The following GPC6 variants were observed in gnomAD, a reference collection of about 807,000 sequenced individuals.
GPC6 encodes glypican-6.
Under a neutral mutation model 55.2 loss-of-function variants are expected in GPC6, and 14 were observed. The observed-to-expected ratio is 0.25, with a 90% CI of 0.17 to 0.40. The LOEUF (loss-of-function observed/expected upper bound fraction) is 0.40. GPC6 is among the 10% of genes least tolerant of loss of function. GPC6 has a pLI of 1.00. For synonymous variants in GPC6, 278 were observed against 259.6 expected, an observed-to-expected ratio of 1.07 and a Z score of -0.68; for missense variants, 641 against 708.5, an observed-to-expected ratio of 0.90 and a Z score of 1.08.
intron 1 of GPC6, among the ~76,000 whole-genome samples, chr13:93,418,457 T>C (rs1283195094): frequency 1.1e-4 from 16 of 145,648 alleles, no homozygotes; most frequent in African/African-American, 4.2e-4. Context: ...AGCACTATAC[T>C]GTAGTATTAC....
At chr13:93,465,715 C>T (rs975574437) in intron 1 of GPC6, among the ~76,000 whole-genome samples, 2 of 152,164 alleles carry the variant, frequency 1.3e-5, no homozygotes, top group African/African-American at 4.8e-5. Flanking sequence ...TGGAGTAACA[C>T]TTTTAATTTT....
At chr13:93,289,629 C>G (rs1328117414) in intron 1 of GPC6, among the ~76,000 whole-genome samples, 1 of 151,820 alleles carries the variant, frequency 6.6e-6, no homozygotes, top group Non-Finnish European at 1.5e-5. Context: ...AAAAATTTAC[C>G]CTATGTTGAT....
intron 4 of GPC6, among the ~76,000 whole-genome samples, chr13:94,112,559 C>T (rs1886287228): frequency 6.6e-6 from 1 of 152,140 alleles, no homozygotes; most frequent in Non-Finnish European, 1.5e-5. Flanking sequence ...ATCTTAATAC[C>T]TAAAGGACAG....
At chr13:93,802,024 A>G (rs910581550) in intron 2 of GPC6, among the ~76,000 whole-genome samples, 4 of 152,134 alleles carry the variant, frequency 2.6e-5, no homozygotes, top group Admixed American at 6.6e-5. Flanking sequence ...AGTATACTAA[A>G]TTTCCCCCTT....
rs143560862 is a variant in GPC6, at chr13:93,565,792, C to T, written c.319+20371C>T. ...CAAAAATTAGCTGGGCTTAGTGGCA[C>T]GTGCCTGTAATCCCAGCTACTTGGG... On this transcript the variant is annotated intron_variant, in intron 2 of 8. Transcript: ENST00000377047. 1.9e-3 allele frequency among the ~76,000 whole-genome samples: 293 copies of T among 151,984 alleles called. 1 individual carries two copies. Among genetic ancestry groups the T allele is most frequent in the Admixed American group, 4.9e-3 (75 of 15,256 alleles).
intron 2 of GPC6, among the ~76,000 whole-genome samples, chr13:93,733,678 T>G (rs1030746022): frequency 6.6e-6 from 1 of 152,084 alleles, no homozygotes; most frequent in South Asian, 2.1e-4. Flanking sequence ...ATGGTACCAT[T>G]AAGTTCAGTT....
chr13:93,298,841 T>C (rs1410747590), intron 1 of GPC6, among the ~76,000 whole-genome samples: 1 of 151,682 alleles, frequency 6.6e-6, no homozygotes, highest in Non-Finnish European at 1.5e-5. Flanking sequence ...TCAAGCTTTC[T>C]CTGATCAAAG....
intron 2 of GPC6, among the ~76,000 whole-genome samples, chr13:93,680,189 G>T (rs984723751): frequency 6.6e-6 from 1 of 152,052 alleles, no homozygotes; most frequent in Non-Finnish European, 1.5e-5. Flanking sequence ...CAATATGACT[G>T]GTGTCCTTAT....
At position 93,955,404 on chromosome 13, in the gene GPC6, C is replaced by T. The variant is rs963387548; in HGVS notation, c.712-72325C>T. ...CAGAGAGCACCAGCTTCAAAGAAAA[C>T]AGAGTTCAATATTCATTATTATGCA... On this transcript the variant is annotated intron_variant, in intron 3 of 8. Coordinates refer to ENST00000377047, the MANE Select transcript of GPC6 (RefSeq NM_005708.5). 5.3e-5 allele frequency among the ~76,000 whole-genome samples: 8 copies of T among 152,076 alleles called. No homozygotes were observed. In the East Asian group the frequency reaches 1.2e-3, roughly 22 times the overall value.
intron 4 of GPC6, among the ~76,000 whole-genome samples, chr13:94,045,111 C>G (rs1053453467): frequency 6.6e-6 from 1 of 151,700 alleles, no homozygotes; most frequent in Non-Finnish European, 1.5e-5. Context: ...CCTAAAGTTT[C>G]ATGATGTATC....
chr13:93,278,091 C>T (rs1176156631), intron 1 of GPC6, among the ~76,000 whole-genome samples: 2 of 152,090 alleles, frequency 1.3e-5, no homozygotes, highest in African/African-American at 4.8e-5. Context: ...ATTTGCGTTA[C>T]TGGCTTTACA....
intron 2 of GPC6, among the ~76,000 whole-genome samples, chr13:93,708,652 A>T (rs2138805220): frequency 6.6e-6 from 1 of 151,810 alleles, no homozygotes; most frequent in African/African-American, 2.4e-5. Flanking sequence ...TGTCATAAGG[A>T]TTTTTGGCAG....
chr13:94,155,550 C>G (rs1328823), intron 4 of GPC6, among the ~76,000 whole-genome samples: 42,586 of 151,910 alleles, frequency 0.28, 6,489 homozygotes, highest in African/African-American at 0.4. Context: ...ATCCCCAAGC[C>G]CAAAACATTT....
In GPC6 at chr13:94,025,215, T is replaced by A. The variant is rs1882849064; in HGVS notation, c.712-2514T>A. The stretch of plus-strand genomic sequence containing the variant: ...TTAGTTAGCCCAAGTGAAAATTGGG[T>A]AGTCTTTGGAGAAAAGCATCAGTCA... On this transcript the variant is annotated intron_variant, in intron 3 of 8. Coordinates refer to ENST00000377047, the MANE Select transcript of GPC6 (RefSeq NM_005708.5). Among the ~76,000 whole-genome samples, 2 of 152,062 alleles carry A rather than the reference T, an allele frequency of 1.3e-5. 1 individual carries two copies. The highest frequency in any genetic ancestry group is 4.1e-4 in the South Asian group (2 of 4,824).
At chr13:93,735,254 G>A (rs1447446126) in intron 2 of GPC6, among the ~76,000 whole-genome samples, 1 of 152,206 alleles carries the variant, frequency 6.6e-6, no homozygotes. Flanking sequence ...AGATGTCGAG[G>A]TTGGGTGTGG....
chr13:93,941,420 C>T (rs1313933599), intron 3 of GPC6, among the ~76,000 whole-genome samples: 1 of 152,070 alleles, frequency 6.6e-6, no homozygotes, highest in East Asian at 1.9e-4. Context: ...TCCACTAGCC[C>T]ACCATATAAA....
intron 4 of GPC6, among the ~76,000 whole-genome samples, chr13:94,169,917 A>T (rs911570190): frequency 5.9e-5 from 9 of 152,104 alleles, no homozygotes; most frequent in African/African-American, 9.7e-5. Context: ...TTTGCTTTAG[A>T]GTGAAGGGAA....
At chr13:93,392,027 ACTT>A (rs1230219393) in intron 1 of GPC6, among the ~76,000 whole-genome samples, 1 of 152,208 alleles carries the variant, frequency 6.6e-6, no homozygotes, top group Non-Finnish European at 1.5e-5. Context: ...GTAGGAAACA[ACTT>A]CTTAGTTTTC....
At chr13:93,219,883 G>T in the GPC6 span, among the ~76,000 whole-genome samples, 1 of 151,016 alleles carries the variant, frequency 6.6e-6, no homozygotes, top group East Asian at 1.9e-4. Context: ...ATCTTCTTAT[G>T]TTAGTTTATA....
Sources: allele counts gnomAD v4.1 joint callset (sites outside exome capture counted in the v4.1 genomes callset), GRCh38; gene constraint gnomAD v4.1.1; transcripts MANE v1.5; gene names NCBI Gene and HGNC (gene_info 2026-07-23, HGNC 2026-07-21).